Variants in GRSF1 observed in about 807,000 individuals in gnomAD.
The protein encoded by GRSF1 is G-rich sequence factor 1.
A neutral mutation model predicts 51.1 loss-of-function variants in GRSF1; 50 were observed. The ratio of observed to expected loss-of-function variants is 0.98; its 90% CI spans 0.78 to 1.24. GRSF1 has a LOEUF of 1.24. Ranked by LOEUF, GRSF1 falls within the 50% of genes most tolerant of loss-of-function variation. The pLI is 0.00. For missense variants in GRSF1, 700 were observed against 639.7 expected (o/e 1.09, Z -1.02); for synonymous variants, 293 against 253.3 (o/e 1.16, Z -1.49).
intron 1 of GRSF1, 43 bp downstream of exon 1, chr4:70,839,428 C>T (rs563525882): frequency 6.7e-7 from 1 of 1,491,054 alleles, no homozygotes; most frequent in Non-Finnish European, 8.9e-7. Context: ...TGCACGCGGC[C>T]CGGGAGGGAT....
At chr4:70,841,421 G>C (rs554604793), upstream of GRSF1, among the ~76,000 whole-genome samples, 1 of 152,232 alleles carries the variant, frequency 6.6e-6, no homozygotes, top group Non-Finnish European at 1.5e-5. Context: ...TGGTTGTGCA[G>C]CTTTTCTCCT....
chr4:70,837,613 A>G (rs942607470), intron 1 of GRSF1, among the ~76,000 whole-genome samples: 2 of 149,350 alleles, frequency 1.3e-5, no homozygotes, highest in Non-Finnish European at 3.0e-5. Context: ...AAGGACAGAG[A>G]TATCTTTCTA....
At chr4:70,833,328 TTATG>T in intron 2 of GRSF1, 55 bp from the exon 3 acceptor site, 1 of 1,482,508 alleles carries the variant, frequency 6.7e-7, no homozygotes, top group Non-Finnish European at 9.3e-7. Flanking sequence ...TTTAGCTCAA[TTATG>T]TAAGTCACAA....
intron 5 of GRSF1, among the ~76,000 whole-genome samples, chr4:70,829,867 G>A (rs2148841180): frequency 6.6e-6 from 1 of 152,156 alleles, no homozygotes; most frequent in East Asian, 1.9e-4. Flanking sequence ...GCTTTGGAAT[G>A]GCTGTTTTGT....
chr4:70,840,168 G>T (rs1170048297), upstream of GRSF1, among the ~76,000 whole-genome samples: 4 of 109,834 alleles, frequency 3.6e-5, no homozygotes, highest in Non-Finnish European at 7.6e-5. Flanking sequence ...GTTTGGGCGG[G>T]GCTGCCCATG....
At chr4:70,832,526 A>T in intron 3 of GRSF1, 76 bp from the exon 4 acceptor site, 1 of 798,056 alleles carries the variant, frequency 1.3e-6, no homozygotes, top group Non-Finnish European at 2.0e-6. Flanking sequence ...AATCATTACA[A>T]CTTGCTGGGT....
rs977187481 is a variant in GRSF1, at chr4:70,816,710, G to C, written c.*4177C>G. 6.6e-6 allele frequency: 1 copy of C among 152,242 alleles called. No individual in the cohort carries two copies. Among genetic ancestry groups the C allele is most frequent in the East Asian group, 1.9e-4 (1 of 5,204 alleles). 9.4% of individuals were successfully genotyped at this position (152,242 alleles called of 1,614,324 possible). The stretch of plus-strand genomic sequence containing the variant: ...CTATAACTCCAGCCTGGGTGACAGA[G>C]CGACTGTCTCAAACACAAAAAACAA... On this transcript the variant is annotated 3_prime_UTR_variant, in exon 10 of 10. Transcript: ENST00000254799.
chr4:70,829,796 T>G (rs1733884328), intron 5 of GRSF1, among the ~76,000 whole-genome samples: 1 of 151,514 alleles, frequency 6.6e-6, no homozygotes, highest in South Asian at 2.1e-4. Context: ...CAGAGCAAGA[T>G]CCTGTCTCAA....
chr4:70,836,995 C>T (rs1418959517), intron 1 of GRSF1, among the ~76,000 whole-genome samples: 1 of 152,110 alleles, frequency 6.6e-6, no homozygotes, highest in East Asian at 1.9e-4. Context: ...GTGTGGAGCT[C>T]AATGTGTGTC....
intron 1 of GRSF1, among the ~76,000 whole-genome samples, chr4:70,838,260 GAATA>G (rs1358064225): frequency 6.8e-6 from 1 of 147,362 alleles, no homozygotes; most frequent in East Asian, 2.0e-4. Flanking sequence ...TAGTTTTAAG[GAATA>G]AATGTAAGCA....
intron 4 of GRSF1, among the ~76,000 whole-genome samples, 171 bp from the exon 5 acceptor site, chr4:70,831,845 T>A (rs1733984430): frequency 6.6e-6 from 1 of 151,336 alleles, no homozygotes; most frequent in Non-Finnish European, 1.5e-5. Flanking sequence ...AACACCTACA[T>A]ACTTGTATTT....
chr4:70,830,793 A>G (rs1474774397), intron 5 of GRSF1, among the ~76,000 whole-genome samples: 1 of 151,986 alleles, frequency 6.6e-6, no homozygotes, highest in Non-Finnish European at 1.5e-5. Flanking sequence ...ACCGCACTCC[A>G]GCCTAGGCGG....
intron 1 of GRSF1, among the ~76,000 whole-genome samples, chr4:70,837,439 C>T (rs1734259705): frequency 6.6e-6 from 1 of 151,546 alleles, no homozygotes; most frequent in South Asian, 2.1e-4. Flanking sequence ...TGGCGTGTGC[C>T]CGTAATCCCA....
intron 4 of GRSF1, 35 bp downstream of exon 4, chr4:70,832,272 T>C (rs1208223640): frequency 1.3e-6 from 2 of 1,588,342 alleles, no homozygotes; most frequent in Non-Finnish European, 1.7e-6. Context: ...GGAAAAAAGA[T>C]ATGAGCTCCC....
At chr4:70,841,105 G>A (rs969350890), upstream of GRSF1, among the ~76,000 whole-genome samples, 2 of 152,094 alleles carry the variant, frequency 1.3e-5, no homozygotes, top group Admixed American at 1.3e-4. Flanking sequence ...AGACCAGCCT[G>A]GGCAACATAG....
chr4:70,825,160 T>C (rs912832620), intron 8 of GRSF1, 136 bp downstream of exon 8: 2 of 572,202 alleles, frequency 3.5e-6, no homozygotes, highest in Non-Finnish European at 6.2e-6. Context: ...GTGTTTTATC[T>C]GTTACGTTTA....
intron 6 of GRSF1, 45 bp from the exon 7 acceptor site, chr4:70,826,290 A>G (rs1733734628): frequency 2.6e-6 from 4 of 1,533,820 alleles, no homozygotes; most frequent in Admixed American, 2.1e-5. Flanking sequence ...AACAGCTTCA[A>G]GGGTTATTAA....
chr4:70,833,422 C>T, intron 2 of GRSF1, 149 bp from the exon 3 acceptor site: 2 of 676,292 alleles, frequency 3.0e-6, no homozygotes, highest in Non-Finnish European at 5.0e-6. Context: ...GTCATCCAAA[C>T]ACCAATAAGG....
chr4:70,823,689 G>A, intron 9 of GRSF1, among the ~76,000 whole-genome samples: 1 of 151,940 alleles, frequency 6.6e-6, no homozygotes, highest in East Asian at 1.9e-4. Flanking sequence ...GGGCAACATA[G>A]TGAGACCCCA....
Sources: gnomAD v4.1 joint callset for allele counts (sites outside exome capture counted in the v4.1 genomes callset) on GRCh38, gnomAD v4.1.1 for gene constraint, MANE v1.5 for transcripts, NCBI Gene and HGNC (gene_info 2026-07-23, HGNC 2026-07-21) for gene names.